The following COL14A1 variants were observed in gnomAD, a reference collection of about 807,000 sequenced individuals.
COL14A1 encodes collagen type XIV alpha 1 chain.
A neutral mutation model predicts 230.3 loss-of-function variants in COL14A1; 136 were observed. The observed-to-expected ratio is 0.59, with a 90% CI of 0.51 to 0.68. The LOEUF is 0.68. Ranked by LOEUF, COL14A1 falls within the 30% of genes least tolerant of loss-of-function variation. The pLI is 0.00. For missense variants in COL14A1, 1,976 were observed against 2,215.8 expected (o/e 0.89, Z 2.17); for synonymous variants, 792 against 784.1 (o/e 1.01, Z -0.17).
intron 5 of COL14A1, among the ~76,000 whole-genome samples, chr8:120,191,164 T>C (rs1816811158): frequency 7.2e-6 from 1 of 139,722 alleles, no homozygotes; most frequent in Non-Finnish European, 1.5e-5. Context: ...TCTTTCCTGC[T>C]TTCTCTTGTG....
At chr8:120,174,734 G>A (rs1191321275) in intron 5 of COL14A1, among the ~76,000 whole-genome samples, 1 of 152,130 alleles carries the variant, frequency 6.6e-6, no homozygotes, top group Admixed American at 6.6e-5. Flanking sequence ...TCAGATGAGG[G>A]TTTCCATGAG....
intron 1 of COL14A1, among the ~76,000 whole-genome samples, chr8:120,135,788 A>G (rs902895274): frequency 6.6e-6 from 1 of 151,938 alleles, no homozygotes; most frequent in Non-Finnish European, 1.5e-5. Flanking sequence ...TGTCAGTAAT[A>G]CACTTTTATA....
intron 1 of COL14A1, among the ~76,000 whole-genome samples, chr8:120,132,612 C>G (rs4871042): frequency 0.5 from 75,088 of 150,012 alleles, 19,108 homozygotes; most frequent in East Asian, 0.63. Context: ...AGTTTGATAG[C>G]AATAACATTG....
Position 120,318,536 on chromosome 8 carries a change from T to C in COL14A1, c.4659+2539T>C, listed in dbSNP as rs140164614. 7.9e-3 allele frequency among the ~76,000 whole-genome samples: 1,209 copies of C among 152,150 alleles called. 19 individuals are homozygous for C. The highest frequency in any genetic ancestry group is 0.027 in the African/African-American group (1,138 of 41,500). On this transcript the variant is annotated intron_variant, in intron 40 of 47. Transcript: ENST00000297848. ...AGATATTAATAATTACTGGGCAGGATTGTAAGATAGGAGGCCCAGGACAAT... is the reference window on the plus strand; with the variant it reads ...AGATATTAATAATTACTGGGCAGGACTGTAAGATAGGAGGCCCAGGACAAT...
intron 40 of COL14A1, among the ~76,000 whole-genome samples, chr8:120,331,575 C>G (rs1272925127): frequency 6.6e-6 from 1 of 152,120 alleles, no homozygotes; most frequent in East Asian, 1.9e-4. Context: ...ATCCTTCCAC[C>G]AGGGAATGAG....
At chr8:120,166,875 AGTGTGTGTGTGTGTGTGTGT>A (rs4053270) in intron 4 of COL14A1, among the ~76,000 whole-genome samples, 30 of 117,064 alleles carry the variant, frequency 2.6e-4, no homozygotes, top group Middle Eastern at 8.5e-3. Flanking sequence ...AAAGAATTTA[AGTGTGTGTGTGTGTGTGTGT>A]GTGTGTGTGT....
chr8:120,151,278 G>A (rs1391960850), intron 2 of COL14A1, among the ~76,000 whole-genome samples: 1 of 152,040 alleles, frequency 6.6e-6, no homozygotes, highest in Non-Finnish European at 1.5e-5. Flanking sequence ...TGCTTTTAAA[G>A]CAAATTTAGT....
intron 45 of COL14A1, among the ~76,000 whole-genome samples, chr8:120,356,815 AC>A (rs1823004724): frequency 6.6e-6 from 1 of 151,860 alleles, no homozygotes; most frequent in East Asian, 1.9e-4. Flanking sequence ...AAAGATGAAT[AC>A]AGATAGTTTT....
intron 22 of COL14A1, among the ~76,000 whole-genome samples, chr8:120,253,955 A>G (rs1256147341): frequency 6.6e-6 from 1 of 152,170 alleles, no homozygotes; most frequent in Non-Finnish European, 1.5e-5. Context: ...TATATAAATC[A>G]ATTAACATTA....
chr8:120,366,069 C>T (rs1316266153), intron 45 of COL14A1, among the ~76,000 whole-genome samples: 1 of 152,160 alleles, frequency 6.6e-6, no homozygotes, highest in African/African-American at 2.4e-5. Context: ...CCAGTGATTT[C>T]CAGAACAAAT....
chr8:120,232,777 A>T (rs911499797), intron 19 of COL14A1, among the ~76,000 whole-genome samples: 1 of 152,180 alleles, frequency 6.6e-6, no homozygotes, highest in South Asian at 2.1e-4. Flanking sequence ...TTGGGTATAC[A>T]CCCAGTAATG....
At chr8:120,157,705 G>A (rs942787079) in intron 2 of COL14A1, among the ~76,000 whole-genome samples, 1 of 152,130 alleles carries the variant, frequency 6.6e-6, no homozygotes, top group Non-Finnish European at 1.5e-5. Context: ...ATATATTATG[G>A]CCAGGCGTGG....
chr8:120,168,402 A>C (rs1815984662), intron 5 of COL14A1, among the ~76,000 whole-genome samples, 155 bp downstream of exon 5: 1 of 152,168 alleles, frequency 6.6e-6, no homozygotes. Flanking sequence ...CCTTTCCCAC[A>C]CAAGATGACC....
intron 24 of COL14A1, among the ~76,000 whole-genome samples, chr8:120,266,526 GCAGGATTCCT>G (rs1436246531): frequency 6.6e-6 from 1 of 152,032 alleles, no homozygotes; most frequent in East Asian, 1.9e-4. Flanking sequence ...AAATGGGTTG[GCAGGATTCCT>G]GCCTTAAATC....
intron 36 of COL14A1, among the ~76,000 whole-genome samples, chr8:120,305,268 C>T (rs1820824767): frequency 6.6e-6 from 1 of 152,144 alleles, no homozygotes; most frequent in African/African-American, 2.4e-5. Context: ...GCGTGAGCCA[C>T]CGCACCTGGC....
intron 19 of COL14A1, among the ~76,000 whole-genome samples, chr8:120,233,145 TC>T (rs1818331032): frequency 6.6e-6 from 1 of 152,252 alleles, no homozygotes; most frequent in Admixed American, 6.5e-5. Flanking sequence ...TGGTTTAAGT[TC>T]CTTGTAGGTT....
At chr8:120,337,974 A>C (rs1314190783) in intron 42 of COL14A1, among the ~76,000 whole-genome samples, 1 of 152,194 alleles carries the variant, frequency 6.6e-6, no homozygotes, top group African/African-American at 2.4e-5. Flanking sequence ...AGTTTGAGGA[A>C]TTTCAAGCCC....
chr8:120,337,124 C>T (rs1417386974), intron 42 of COL14A1, among the ~76,000 whole-genome samples: 1 of 152,224 alleles, frequency 6.6e-6, no homozygotes, highest in East Asian at 1.9e-4. Context: ...GGTGGGGTGG[C>T]TCATGCCTGT....
At chr8:120,362,124 A>G (rs930098343) in intron 45 of COL14A1, among the ~76,000 whole-genome samples, 2 of 152,244 alleles carry the variant, frequency 1.3e-5, no homozygotes, top group African/African-American at 4.8e-5. Context: ...CTTCGGGTCC[A>G]GCTTAGGATG....
Sources: gnomAD v4.1 joint callset for allele counts (sites outside exome capture counted in the v4.1 genomes callset) on GRCh38, gnomAD v4.1.1 for gene constraint, MANE v1.5 for transcripts, NCBI Gene and HGNC (gene_info 2026-07-23, HGNC 2026-07-21) for gene names.